The following SEPTIN7 variants were observed in gnomAD, a reference collection of about 807,000 sequenced individuals.
SEPTIN7 encodes the protein septin-7.
SEPTIN7 carries 10 observed loss-of-function variants against 63.3 expected under a neutral mutation model. That is an observed-to-expected ratio of 0.16 (90% CI 0.10 to 0.27). The LOEUF (loss-of-function observed/expected upper bound fraction) is 0.27, where lower values mean the gene tolerates loss of function less well. Among genes scored for constraint, SEPTIN7 ranks in the 10% least tolerant of loss-of-function variants. SEPTIN7 has a pLI of 1.00. For missense variants in SEPTIN7, 310 were observed against 521.0 expected, an observed-to-expected ratio of 0.59 and a Z score of 3.94; for synonymous variants, 131 against 165.3, an observed-to-expected ratio of 0.79 and a Z score of 1.59.
intron 3 of SEPTIN7, chr7:35,838,682 A>T (rs1025668626): frequency 2.0e-5 from 3 of 151,876 alleles, no homozygotes; most frequent in Non-Finnish European, 4.4e-5. Context: ...GCCCGACCTC[A>T]GTCTTTTTCT....
intron 3 of SEPTIN7, among the ~76,000 whole-genome samples, chr7:35,842,361 C>A (rs1202483122): frequency 3.5e-5 from 5 of 142,934 alleles, no homozygotes; most frequent in Non-Finnish European, 3.1e-5. Context: ...AAAAAAAAAA[C>A]CCTCATTTTA....
intron 3 of SEPTIN7, among the ~76,000 whole-genome samples, chr7:35,854,182 C>G (rs1451847238): frequency 2.6e-5 from 4 of 152,066 alleles, no homozygotes; most frequent in African/African-American, 9.7e-5. Flanking sequence ...GCTTCTGGTC[C>G]CAAGCATTTT....
At chr7:35,846,734 C>A in intron 3 of SEPTIN7, 1 of 156,470 alleles carries the variant, frequency 6.4e-6, no homozygotes. Context: ...CCAATGGGAC[C>A]TAGAATTCCT....
intron 1 of SEPTIN7, among the ~76,000 whole-genome samples, chr7:35,812,721 T>C (rs1562736387): frequency 6.6e-6 from 1 of 152,222 alleles, no homozygotes; most frequent in Non-Finnish European, 1.5e-5. Context: ...TCATTGTTCT[T>C]ATGGCTTCCA....
intron 3 of SEPTIN7, among the ~76,000 whole-genome samples, chr7:35,854,784 GTTAAAA>G (rs1370862550): frequency 2.6e-5 from 4 of 151,896 alleles, no homozygotes; most frequent in African/African-American, 9.7e-5. Context: ...AATATTAAAA[GTTAAAA>G]TTAAATATTA....
the SEPTIN7 span, among the ~76,000 whole-genome samples, chr7:35,913,401 CTT>C: frequency 6.6e-6 from 1 of 151,730 alleles, no homozygotes; most frequent in Admixed American, 6.6e-5. Flanking sequence ...TTCTTTCTTT[CTT>C]TCTCTTTCTT....
chr7:35,913,387 A>ATCTT, the SEPTIN7 span, among the ~76,000 whole-genome samples: 151 of 138,988 alleles, frequency 1.1e-3, 1 homozygote, highest in African/African-American at 3.9e-3. Context: ...CTTTCTTTTT[A>ATCTT]TCTTTCTTTC....
intron 3 of SEPTIN7, among the ~76,000 whole-genome samples, chr7:35,862,425 C>T (rs1361575371): frequency 6.6e-6 from 1 of 151,944 alleles, no homozygotes; most frequent in African/African-American, 2.4e-5. Flanking sequence ...TTTATATTTC[C>T]AAAAAGAAAT....
chr7:35,851,489 A>G (rs561263881), intron 3 of SEPTIN7, among the ~76,000 whole-genome samples: 8 of 152,164 alleles, frequency 5.3e-5, no homozygotes, highest in Non-Finnish European at 1.2e-4. Flanking sequence ...GTTTGAAGAA[A>G]TATGAAATGT....
chr7:35,888,810 C>T (rs1167656216), intron 10 of SEPTIN7: 11 of 278,652 alleles, frequency 3.9e-5, no homozygotes, highest in African/African-American at 9.6e-5. Flanking sequence ...GGCAACAGAG[C>T]GAGACCCTGT....
chr7:35,808,718 T>C (rs1788513198), intron 1 of SEPTIN7, among the ~76,000 whole-genome samples: 1 of 152,210 alleles, frequency 6.6e-6, no homozygotes, highest in Non-Finnish European at 1.5e-5. Context: ...AGGTCATTAA[T>C]CCTATTAATA....
At position 35,906,702 on chromosome 7, in the gene SEPTIN7, C is replaced by G. The variant is rs759342605; in HGVS notation, c.*2409C>G. The G allele has an allele frequency of 2.0e-5, 3 of 152,216 alleles. No individual in the cohort carries two copies. Among genetic ancestry groups the G allele is most frequent in the Non-Finnish European group, 2.9e-5 (2 of 68,052 alleles). 9.4% of individuals were successfully genotyped at this position (152,216 alleles called of 1,614,324 possible). A position where few individuals can be genotyped will look rare whatever the true frequency, so the allele number is the denominator to read the frequency against. On this transcript the variant is annotated 3_prime_UTR_variant, in exon 14 of 14. Transcript: ENST00000350320. ...CAAGTTAAGTGGGCACAGTTTATTT[C>G]TGTGTAGCTCAGGCTGTAATCTTGA...
At position 35,801,215 on chromosome 7, in the gene SEPTIN7, G is replaced by C. The variant is rs1357566966; in HGVS notation, c.6G>C (p.Ser2=). The change falls in exon 1 of 14, where the codon TCG becomes TCC. Residue 2 remains serine, a synonymous_variant. Coordinates refer to ENST00000350320, the MANE Select transcript of SEPTIN7 (RefSeq NM_001788.6). M[S]VSARSAAAEE... is the part of the protein sequence containing the mutation. ...GTCGCGGAGGGGGGGAGGGGATGTC[G>C]GTCAGTGCGAGATCCGCTGCTGCTG... 6.6e-7 allele frequency: 1 copy of C among 1,519,906 alleles called. No homozygotes were observed. The highest frequency in any genetic ancestry group is 8.8e-7 in the Non-Finnish European group (1 of 1,133,346). 94.2% of individuals were successfully genotyped at this position (1,519,906 alleles called of 1,614,324 possible).
intron 1 of SEPTIN7, chr7:35,802,367 C>A: frequency 5.4e-6 from 1 of 185,342 alleles, no homozygotes; most frequent in South Asian, 1.0e-4. Flanking sequence ...TTTTTACAGT[C>A]CTAGGAAAGA....
At chr7:35,847,150 C>T (rs186165322) in intron 3 of SEPTIN7, 14 of 165,644 alleles carry the variant, frequency 8.5e-5, no homozygotes, top group East Asian at 3.3e-4. Flanking sequence ...TTGGTGGCTC[C>T]GAAGTGGGCA....
intron 6 of SEPTIN7, among the ~76,000 whole-genome samples, chr7:35,877,933 A>T (rs924441504): frequency 2.0e-5 from 3 of 152,226 alleles, no homozygotes; most frequent in African/African-American, 7.2e-5. Flanking sequence ...AGCGTAGCCT[A>T]CATTTGGGCA....
chr7:35,811,397 A>C (rs1452235267), intron 1 of SEPTIN7, among the ~76,000 whole-genome samples: 5 of 152,218 alleles, frequency 3.3e-5, no homozygotes, highest in Non-Finnish European at 7.3e-5. Context: ...AACTTAAACA[A>C]ATTAGCCACA....
intron 3 of SEPTIN7, among the ~76,000 whole-genome samples, chr7:35,859,080 C>T (rs1266404495): frequency 6.6e-6 from 1 of 152,128 alleles, no homozygotes; most frequent in South Asian, 2.1e-4. Flanking sequence ...TTTTCTAGTT[C>T]CTTATGGTGT....
chr7:35,887,437 C>T (rs1787329989), intron 10 of SEPTIN7, among the ~76,000 whole-genome samples: 1 of 152,232 alleles, frequency 6.6e-6, no homozygotes, highest in South Asian at 2.1e-4. Context: ...GCAGCCTCCA[C>T]CCAGGTTCAA....
Sources: gnomAD v4.1 joint callset for allele counts (sites outside exome capture counted in the v4.1 genomes callset) on GRCh38, gnomAD v4.1.1 for gene constraint, MANE v1.5 for transcripts, NCBI Gene and HGNC (gene_info 2026-07-23, HGNC 2026-07-21) for gene names.